Variants in STEAP1B observed in about 807,000 individuals in gnomAD.
The protein encoded by STEAP1B is STEAP family member 1B.
Under a neutral mutation model 27.9 loss-of-function variants are expected in STEAP1B, and 13 were observed. The ratio of observed to expected loss-of-function variants is 0.47; its 90% CI spans 0.30 to 0.74. The LOEUF (loss-of-function observed/expected upper bound fraction) is 0.74, where lower values mean the gene tolerates loss of function less well. Among genes scored for constraint, STEAP1B ranks in the 30% least tolerant of loss-of-function variants. The pLI, the probability that STEAP1B is intolerant of heterozygous loss-of-function variation, is 0.06. For synonymous variants in STEAP1B, 86 were observed against 107.1 expected (o/e 0.80, Z 1.22); for missense variants, 250 against 298.7 (o/e 0.84, Z 1.20).
intron 4 of STEAP1B, among the ~76,000 whole-genome samples, chr7:22,491,191 G>C (rs1454606380): frequency 6.6e-6 from 1 of 152,206 alleles, no homozygotes; most frequent in African/African-American, 2.4e-5. Context: ...GTTGAAGCTA[G>C]TGTGTTGAAG....
At chr7:22,491,116 C>T (rs532398292) in intron 4 of STEAP1B, among the ~76,000 whole-genome samples, 1 of 152,290 alleles carries the variant, frequency 6.6e-6, no homozygotes, top group East Asian at 1.9e-4. Flanking sequence ...GTAGTAAGTG[C>T]ACATCGTTTT....
At chr7:22,496,153 G>C (rs1786436012) in intron 1 of STEAP1B, among the ~76,000 whole-genome samples, 1 of 149,580 alleles carries the variant, frequency 6.7e-6, no homozygotes, top group Non-Finnish European at 1.5e-5. Flanking sequence ...ATGTGTGTGT[G>C]TTTGTGTCTT....
intron 4 of STEAP1B, among the ~76,000 whole-genome samples, chr7:22,475,918 T>C (rs570443991): frequency 6.6e-6 from 1 of 152,208 alleles, no homozygotes. Flanking sequence ...GTTGCAGTTC[T>C]CCTGTCCAGC....
chr7:22,420,354 T>C (rs754662171), intron 4 of STEAP1B, among the ~76,000 whole-genome samples: 2 of 152,204 alleles, frequency 1.3e-5, no homozygotes, highest in African/African-American at 2.4e-5. Flanking sequence ...ACTCAGCCCA[T>C]ATCCTCAATC....
At chr7:22,429,172 A>G (rs965199157) in intron 4 of STEAP1B, among the ~76,000 whole-genome samples, 1 of 152,224 alleles carries the variant, frequency 6.6e-6, no homozygotes, top group African/African-American at 2.4e-5. Flanking sequence ...CCCTCCACTC[A>G]TAGGTTTATA....
At position 22,493,523 on chromosome 7, in the gene STEAP1B, C is replaced by A. The variant is rs748357885; in HGVS notation, c.398G>T (p.Gly133Val). The A allele has an allele frequency of 6.2e-7, 1 of 1,613,850 alleles. No individual in the cohort carries two copies. Among genetic ancestry groups the A allele is most frequent in the Non-Finnish European group, 8.5e-7 (1 of 1,179,844 alleles). ...AACTTGGACAATTGCTGCTATCACACCTGGTAGGTAAACCAATGCCAAGAG... is the reference window on the plus strand; with the variant it reads ...AACTTGGACAATTGCTGCTATCACAACTGGTAGGTAAACCAATGCCAAGAG... Reference protein sequence around the residue: ...ITLLALVYLPGVIAAIVQVHN... With the variant: ...ITLLALVYLPVVIAAIVQVHN... The change falls in exon 3 of 5, where the codon GGT (glycine) becomes GTT (valine). Residue 133 changes from glycine (G) to valine (V), a missense_variant. Gly to Val is a moderately radical substitution (Grantham distance 109). Transcript: ENST00000678116.
At chr7:22,478,750 T>C (rs891397622) in intron 4 of STEAP1B, among the ~76,000 whole-genome samples, 2 of 152,222 alleles carry the variant, frequency 1.3e-5, no homozygotes, top group Non-Finnish European at 2.9e-5. Context: ...CCAGTAGCAG[T>C]TGCCACATAT....
At chr7:22,468,588 TAAAGAC>T (rs1448936728) in intron 4 of STEAP1B, among the ~76,000 whole-genome samples, 1 of 152,186 alleles carries the variant, frequency 6.6e-6, no homozygotes, top group East Asian at 1.9e-4. Context: ...ACGATGAGGC[TAAAGAC>T]AAAGACCTGC....
At chr7:22,483,278 C>A (rs1003730659) in intron 4 of STEAP1B, among the ~76,000 whole-genome samples, 1 of 152,064 alleles carries the variant, frequency 6.6e-6, no homozygotes, top group Non-Finnish European at 1.5e-5. Context: ...AAAAAAAAAT[C>A]GCCAGTGTTT....
At chr7:22,492,819 T>C in intron 3 of STEAP1B, 90 bp from the exon 4 acceptor site, 1 of 1,465,032 alleles carries the variant, frequency 6.8e-7, no homozygotes, top group Non-Finnish European at 9.0e-7. Flanking sequence ...CTGTGTGTAC[T>C]ATGAAGCCCT....
chr7:22,484,963 G>A (rs1390694420), intron 4 of STEAP1B, among the ~76,000 whole-genome samples: 1 of 152,208 alleles, frequency 6.6e-6, no homozygotes, highest in Non-Finnish European at 1.5e-5. Flanking sequence ...CTGAGTTGCT[G>A]CAATTTCATG....
At chr7:22,492,349 G>GAAAAAA (rs1371957621) in intron 4 of STEAP1B, 5 of 185,128 alleles carry the variant, frequency 2.7e-5, no homozygotes, top group African/African-American at 9.1e-5. Flanking sequence ...AAAAAAAAAG[G>GAAAAAA]ATATTTTAAT....
In STEAP1B at chr7:22,456,968, ATATATTT is replaced by A. The variant is rs758914539; in HGVS notation, c.762+35590_762+35596del. Reference sequence around the variant, plus strand: ...GATAGGCAGCTATATATATATATATATATATTTTTTTTTTTTTTAAGTATCCTGGGTG... The same window carrying A: ...GATAGGCAGCTATATATATATATATATTTTTTTTTTTAAGTATCCTGGGTG... On this transcript the variant is annotated intron_variant, in intron 4 of 4. Transcript: ENST00000678116. Among the ~76,000 whole-genome samples, 34 of 47,956 alleles carry A rather than the reference ATATATTT, an allele frequency of 7.1e-4. 3 individuals carry two copies. The highest frequency in any genetic ancestry group is 6.1e-3 in the East Asian group (14 of 2,304). The allele number at this position is 47,956 out of a possible 152,430, so 31.5% of individuals were successfully genotyped here. A position where few individuals can be genotyped will look rare whatever the true frequency, so the allele number is the denominator to read the frequency against.
rs144007277 is a variant in STEAP1B at position 22,493,719 on chromosome 7, A to C, written c.202T>G (p.Phe68Val). ...TTAATTGGCAAGTGCCACTGTGGAA[A>C]GAGTTCCTGTGCGTGCTGAAGTTCT... Reference protein sequence around the residue: ...PSELQHAQELFPQWHLPIKIA... With the variant: ...PSELQHAQELVPQWHLPIKIA... Residue 68 changes from phenylalanine (F) to valine (V), a missense_variant, in exon 3 of 5, where the codon TTT (phenylalanine) becomes GTT (valine). Transcript: ENST00000678116. 2.1e-3 allele frequency: 3,360 copies of C among 1,613,986 alleles called. 68 individuals are homozygous for C. In the African/African-American group the frequency reaches 0.041, roughly 19 times the overall value.
chr7:22,439,152 A>T (rs1283440918), intron 4 of STEAP1B, among the ~76,000 whole-genome samples: 1 of 152,034 alleles, frequency 6.6e-6, no homozygotes, highest in Non-Finnish European at 1.5e-5. Context: ...CACACATCAG[A>T]ACTGTTTTAA....
chr7:22,474,187 C>A (rs975413359), intron 4 of STEAP1B, among the ~76,000 whole-genome samples: 13 of 152,102 alleles, frequency 8.5e-5, no homozygotes, highest in African/African-American at 2.9e-4. Flanking sequence ...TATATATTTA[C>A]ATTCAAATAT....
intron 4 of STEAP1B, among the ~76,000 whole-genome samples, chr7:22,430,811 C>G (rs773061035): frequency 2.0e-4 from 31 of 152,364 alleles, no homozygotes; most frequent in Non-Finnish European, 2.5e-4. Context: ...AGACACATTT[C>G]TCACCATGAC....
intron 4 of STEAP1B, among the ~76,000 whole-genome samples, chr7:22,484,536 C>G (rs1031597983): frequency 9.2e-5 from 14 of 152,328 alleles, no homozygotes; most frequent in South Asian, 2.1e-4. Context: ...CACCCAAGAG[C>G]TCAGATGGAG....
At position 22,450,258 on chromosome 7, in the gene STEAP1B, T is replaced by A. The variant is rs1003286725; in HGVS notation, c.763-30422A>T. 4.6e-5 allele frequency among the ~76,000 whole-genome samples: 7 copies of A among 152,240 alleles called. No individual in the cohort carries two copies. The South Asian group carries it at 1.4e-3, about 32-fold the overall frequency. The stretch of plus-strand genomic sequence containing the variant: ...CTCAAGAAACTTTTGCCCAGACCAA[T>A]GTCCTGGAGAGTTTCTTCAATGTTT... On this transcript the variant is annotated intron_variant, in intron 4 of 4. Coordinates refer to ENST00000678116, the MANE Select transcript of STEAP1B (RefSeq NM_001382447.1).
Sources: allele counts gnomAD v4.1 joint callset (sites outside exome capture counted in the v4.1 genomes callset), GRCh38; gene constraint gnomAD v4.1.1; transcripts MANE v1.5; gene names NCBI Gene and HGNC (gene_info 2026-07-23, HGNC 2026-07-21).